The following DGCR2 variants were observed in gnomAD, a reference collection of about 807,000 sequenced individuals.
DGCR2 encodes DiGeorge syndrome critical region gene 2, also known as integral membrane protein DGCR2/IDD.
A neutral mutation model predicts 51.6 loss-of-function variants in DGCR2; 24 were observed. That is an observed-to-expected ratio of 0.47 (90% CI 0.34 to 0.65). The LOEUF is 0.65. Ranked by LOEUF, DGCR2 falls within the 30% of genes least tolerant of loss-of-function variation. DGCR2 has a pLI of 0.01. For missense variants in DGCR2, 765 were observed against 772.1 expected, an observed-to-expected ratio of 0.99 and a Z score of 0.11; for synonymous variants, 340 against 315.4, an observed-to-expected ratio of 1.08 and a Z score of -0.82.
At chr22:19,083,954 T>C (rs2082974607) in intron 2 of DGCR2, among the ~76,000 whole-genome samples, 1 of 152,158 alleles carries the variant, frequency 6.6e-6, no homozygotes, top group African/African-American at 2.4e-5. Context: ...GCTCCTAACC[T>C]TGAGTGATCC....
At chr22:19,122,049 G>C in intron 1 of DGCR2, 79 bp downstream of exon 1, 1 of 1,071,946 alleles carries the variant, frequency 9.3e-7, no homozygotes, top group Non-Finnish European at 1.2e-6. Context: ...GGAGGGCGCC[G>C]CGGGTGAAAG....
chr22:19,074,341 G>C, intron 2 of DGCR2, among the ~76,000 whole-genome samples: 1 of 150,414 alleles, frequency 6.6e-6, no homozygotes, highest in East Asian at 2.0e-4. Context: ...CAGAAGAATC[G>C]ATTGAGCCTA....
In DGCR2 at chr22:19,057,408, A is replaced by G. The variant is rs2082615891; in HGVS notation, c.626-246T>C. Reference sequence around the variant, plus strand: ...AGCACACAGGCCACAAACCCTGGGTAGCAGTAAGTGCCAGCCTGAGCACCA... The same window carrying G: ...AGCACACAGGCCACAAACCCTGGGTGGCAGTAAGTGCCAGCCTGAGCACCA... On this transcript the variant is annotated intron_variant, in intron 5 of 9. Coordinates refer to ENST00000263196, the MANE Select transcript of DGCR2 (RefSeq NM_005137.3). This position sits in a 1 kb window ranked among gnomAD's most constrained non-coding sequence, Gnocchi z 5.1. Among the ~76,000 whole-genome samples, 1 of 152,234 alleles carries G rather than the reference A, an allele frequency of 6.6e-6. No homozygotes were observed. Among genetic ancestry groups the G allele is most frequent in the Admixed American group, 6.5e-5 (1 of 15,282 alleles).
intron 7 of DGCR2, chr22:19,047,635 A>C (rs1039398106): frequency 7.2e-5 from 11 of 152,226 alleles, no homozygotes; most frequent in Admixed American, 6.5e-5. Context: ...GAGGGGTGTT[A>C]ACATCTCAGA....
intron 2 of DGCR2, among the ~76,000 whole-genome samples, chr22:19,084,168 T>C (rs2082978350): frequency 1.3e-5 from 2 of 150,698 alleles, no homozygotes; most frequent in Non-Finnish European, 3.0e-5. Flanking sequence ...GGAGTGTCTC[T>C]GCCTGGCCGC....
At chr22:19,041,488 A>G in intron 8 of DGCR2, 194 bp from the exon 9 acceptor site, 1 of 618,974 alleles carries the variant, frequency 1.6e-6, no homozygotes, top group Non-Finnish European at 2.8e-6. Context: ...TCTCACCCTC[A>G]CCACACCAAC....
intron 1 of DGCR2, among the ~76,000 whole-genome samples, chr22:19,090,822 GACAA>G (rs532728550): frequency 1.0e-4 from 15 of 145,488 alleles, no homozygotes; most frequent in Non-Finnish European, 2.0e-4. Flanking sequence ...AAAAAAAAAA[GACAA>G]ACAGATGGTA....
chr22:19,061,182 G>A (rs1037270217), intron 5 of DGCR2: 2 of 192,092 alleles, frequency 1.0e-5, no homozygotes, highest in Non-Finnish European at 2.2e-5. Context: ...TGACCCCTCT[G>A]CTTTGCACCA....
chr22:19,103,114 CATA>C (rs1251717031), intron 1 of DGCR2, among the ~76,000 whole-genome samples: 2 of 152,070 alleles, frequency 1.3e-5, no homozygotes, highest in East Asian at 3.8e-4. Context: ...ACTGCGAAAA[CATA>C]ATGCTAAGTG....
intron 1 of DGCR2, among the ~76,000 whole-genome samples, chr22:19,119,827 T>C (rs1359269889): frequency 6.6e-6 from 1 of 151,490 alleles, no homozygotes. Context: ...CACCCTGCCC[T>C]GTACCAGAGA....
chr22:19,089,191 G>C (rs557183431), intron 2 of DGCR2, among the ~76,000 whole-genome samples, 177 bp downstream of exon 2: 56 of 152,344 alleles, frequency 3.7e-4, no homozygotes, highest in African/African-American at 1.3e-3. Flanking sequence ...GATCTGCCTA[G>C]GTTGGGCACT....
Position 19,122,200 on chromosome 22 carries a change from G to A in DGCR2, c.7C>T (p.Pro3Ser), listed in dbSNP as rs1362295760. 4 of 1,507,468 alleles carry A rather than the reference G, an allele frequency of 2.7e-6. No individual in the cohort carries two copies. The highest frequency in any genetic ancestry group is 1.2e-5 in the South Asian group (1 of 80,246). 93.4% of individuals were successfully genotyped at this position (1,507,468 alleles called of 1,614,324 possible). MV[P>S]KADSGAFLLL... Reference sequence around the variant, plus strand: ...AGGAAGGCGCCGCTGTCTGCCTTGGGCACCATTTATCCTCCGTTCATCGTC... The same window carrying A: ...AGGAAGGCGCCGCTGTCTGCCTTGGACACCATTTATCCTCCGTTCATCGTC... Residue 3 changes from proline to serine, a missense_variant, in exon 1 of 10, where the codon CCC becomes TCC. Coordinates refer to ENST00000263196, the MANE Select transcript of DGCR2 (RefSeq NM_005137.3).
intron 7 of DGCR2, chr22:19,047,984 G>A (rs2082508342): frequency 5.1e-6 from 1 of 197,986 alleles, no homozygotes; most frequent in African/African-American, 2.3e-5. Context: ...TCGAGGCCAG[G>A]AGTTGAAGAC....
intron 9 of DGCR2, 141 bp from the exon 10 acceptor site, chr22:19,039,262 C>T: frequency 9.7e-7 from 1 of 1,027,654 alleles, no homozygotes; most frequent in Non-Finnish European, 1.4e-6. Flanking sequence ...CTGGGTGGCT[C>T]CCCCGGGCCT....
At chr22:19,077,891 C>T (rs907500461) in intron 2 of DGCR2, among the ~76,000 whole-genome samples, 2 of 150,742 alleles carry the variant, frequency 1.3e-5, no homozygotes, top group African/African-American at 2.4e-5. Flanking sequence ...TGCAGTGGTG[C>T]GATCTCAGCT....
chr22:19,063,407 C>G (rs1044695453), intron 4 of DGCR2, 129 bp from the exon 5 acceptor site: 58 of 798,194 alleles, frequency 7.3e-5, no homozygotes, highest in East Asian at 1.4e-4. Context: ...GTGGTGCGAT[C>G]TCGGCTCACT....
At position 19,038,735 on chromosome 22, in the gene DGCR2, G is replaced by C; in HGVS notation, c.*130C>G. On this transcript the variant is annotated 3_prime_UTR_variant, in exon 10 of 10. Coordinates refer to ENST00000263196, the MANE Select transcript of DGCR2 (RefSeq NM_005137.3). ...GGCTGTGGTCTCTATGTACACACGC[G>C]AGCCCGCCAGTGACGTGCGGCAGTG... 7.7e-7 allele frequency: 1 copy of C among 1,297,198 alleles called. No homozygotes were observed. The highest frequency in any genetic ancestry group is 1.1e-6 in the Non-Finnish European group (1 of 937,112). 80.4% of individuals were successfully genotyped at this position (1,297,198 alleles called of 1,614,324 possible).
Position 19,048,542 on chromosome 22 carries a change from C to T in DGCR2, c.904G>A (p.Glu302Lys). Residue 302 changes from glutamate (E) to lysine (K), a missense_variant, in exon 7 of 10, where the codon GAG (glutamate) becomes AAG (lysine). By Grantham distance (56) the Glu-to-Lys change is moderately conservative. Transcript: ENST00000263196. ...PCLSCTCHGG[E>K]PEMCVAALCE... Reference sequence around the variant, plus strand: ...AGAGCAGCCACACACATCTCAGGCTCCCCTCCATGGCAGGTGCAGCTCAGG... The same window carrying T: ...AGAGCAGCCACACACATCTCAGGCTTCCCTCCATGGCAGGTGCAGCTCAGG... The T allele has an allele frequency of 6.2e-7, 1 of 1,614,230 alleles. No homozygotes were observed. The highest frequency in any genetic ancestry group is 8.5e-7 in the Non-Finnish European group (1 of 1,180,036).
At chr22:19,110,860 T>C (rs994170725) in intron 1 of DGCR2, among the ~76,000 whole-genome samples, 1 of 152,224 alleles carries the variant, frequency 6.6e-6, no homozygotes, top group Non-Finnish European at 1.5e-5. Flanking sequence ...GTAAACCTAC[T>C]TCCTATAAAA....
Sources: allele counts gnomAD v4.1 joint callset (sites outside exome capture counted in the v4.1 genomes callset), GRCh38; gene constraint gnomAD v4.1.1; non-coding constraint Gnocchi (gnomAD v3.1); transcripts MANE v1.5; gene names NCBI Gene and HGNC (gene_info 2026-07-23, HGNC 2026-07-21).